Variants in CSRNP3 observed in about 807,000 individuals in gnomAD.
CSRNP3 encodes the protein cysteine/serine-rich nuclear protein 3.
CSRNP3 carries 12 observed loss-of-function variants against 48.0 expected under a neutral mutation model. The ratio of observed to expected loss-of-function variants is 0.25; its 90% CI spans 0.16 to 0.41. The LOEUF (loss-of-function observed/expected upper bound fraction) is 0.41. CSRNP3 is among the 10% of genes least tolerant of loss of function. The pLI is 1.00. For missense variants in CSRNP3, 580 were observed against 724.4 expected, an observed-to-expected ratio of 0.80 and a Z score of 2.29; for synonymous variants, 263 against 269.7, an observed-to-expected ratio of 0.98 and a Z score of 0.24.
chr2:165,540,095 T>A lies in CSRNP3; in HGVS notation c.-24+22134T>A, dbSNP rs1684934093. 3.3e-5 allele frequency among the ~76,000 whole-genome samples: 5 copies of A among 152,200 alleles called. No individual in the cohort carries two copies. The South Asian group carries it at 1.0e-3, about 32-fold the overall frequency. ...TCTCCAGCCCAAACCTCTAACCTAT[T>A]ACTATTCCTGGATAGCAGAGTGCAT... On this transcript the variant is annotated intron_variant, in intron 3 of 6. Transcript: ENST00000651982.
chr2:165,665,860 G>C (rs1471922319), intron 5 of CSRNP3, among the ~76,000 whole-genome samples: 1 of 149,754 alleles, frequency 6.7e-6, no homozygotes, highest in African/African-American at 2.5e-5. Context: ...AGGAAGGAAA[G>C]AGAGAGAGAA....
intron 2 of CSRNP3, among the ~76,000 whole-genome samples, chr2:165,503,388 T>C (rs1684383050): frequency 1.3e-5 from 2 of 152,054 alleles, no homozygotes; most frequent in African/African-American, 4.8e-5. Context: ...TGATCATTGT[T>C]TGTGGTTTTC....
intron 5 of CSRNP3, among the ~76,000 whole-genome samples, chr2:165,672,169 A>G (rs1396307588): frequency 6.6e-6 from 1 of 152,114 alleles, no homozygotes; most frequent in Non-Finnish European, 1.5e-5. Flanking sequence ...TGAGCTCTCC[A>G]AACTGTTCCA....
intron 4 of CSRNP3, among the ~76,000 whole-genome samples, chr2:165,605,104 G>A (rs947364028): frequency 2.6e-5 from 4 of 152,044 alleles, no homozygotes; most frequent in Non-Finnish European, 5.9e-5. Flanking sequence ...TCTTGTTCAA[G>A]CCTCAGCCTC....
Position 165,595,178 on chromosome 2 carries a change from A to G in CSRNP3, c.113A>G (p.Asp38Gly). 1 of 1,614,138 alleles carries G rather than the reference A, an allele frequency of 6.2e-7. No homozygotes were observed. Among genetic ancestry groups the G allele is most frequent in the South Asian group, 1.1e-5 (1 of 91,088 alleles). Residue 38 changes from aspartate to glycine, a missense_variant, in exon 4 of 7, where the codon GAC becomes GGC. Transcript: ENST00000651982. ...VSSSESADSG[D>G]SVNPSTSSHF... ...AGCAGTGAAAGTGCTGACAGTGGGG[A>G]CAGTGTCAATCCATCCACTTCTAGT...
chr2:165,555,462 G>A (rs1288807189), intron 3 of CSRNP3, among the ~76,000 whole-genome samples: 2 of 152,172 alleles, frequency 1.3e-5, no homozygotes, highest in South Asian at 2.1e-4. Flanking sequence ...AATGGAATGC[G>A]AGCAATATGA....
chr2:165,634,417 T>C (rs1360783171), intron 4 of CSRNP3, among the ~76,000 whole-genome samples: 1 of 152,166 alleles, frequency 6.6e-6, no homozygotes, highest in Non-Finnish European at 1.5e-5. Context: ...ACCTGTTCTG[T>C]CTGCCAGGAA....
intron 6 of CSRNP3, among the ~76,000 whole-genome samples, chr2:165,678,037 G>A (rs1362752282): frequency 6.6e-6 from 1 of 152,142 alleles, no homozygotes; most frequent in African/African-American, 2.4e-5. Flanking sequence ...AGTCATGAAT[G>A]TGCATATCCA....
chr2:165,574,032 C>G (rs987276715), intron 3 of CSRNP3: 2 of 257,802 alleles, frequency 7.8e-6, no homozygotes, highest in Non-Finnish European at 1.5e-5. Flanking sequence ...GCGTTAAAAT[C>G]GTTTATCCAT....
intron 2 of CSRNP3, among the ~76,000 whole-genome samples, chr2:165,504,233 GACAGCACT>G (rs1684395886): frequency 6.6e-6 from 1 of 151,936 alleles, no homozygotes; most frequent in South Asian, 2.1e-4. Flanking sequence ...AGTTACACAA[GACAGCACT>G]ACCAATAACC....
intron 3 of CSRNP3, among the ~76,000 whole-genome samples, chr2:165,568,585 CAGAGTGTTTCA>C (rs1685328014): frequency 6.6e-6 from 1 of 152,036 alleles, no homozygotes; most frequent in Admixed American, 6.6e-5. Flanking sequence ...AGTTCTTGGA[CAGAGTGTTTCA>C]AGAGGCTCAA....
rs1292359494 is a variant in CSRNP3 at position 165,676,394 on chromosome 2, A to C, written c.491A>C (p.Asp164Ala). ...DDISDDDIDL[D>A]NTEVDEYFFL... ...ATTTCTGATGATGACATTGACCTGG[A>C]CAACACAGAGGTAGATGAGTACTTC... The change falls in exon 6 of 7, where the codon GAC becomes GCC. Residue 164 changes from aspartate to alanine, a missense_variant. By Grantham distance (126) the Asp-to-Ala change is moderately radical (BLOSUM62 -2). Coordinates refer to ENST00000651982, the MANE Select transcript of CSRNP3 (RefSeq NM_001172173.2). The C allele has an allele frequency of 6.2e-7, 1 of 1,614,074 alleles. No individual in the cohort carries two copies. The highest frequency in any genetic ancestry group is 2.2e-5 in the East Asian group (1 of 44,888).
At chr2:165,497,529 T>C (rs1482452416) in intron 2 of CSRNP3, among the ~76,000 whole-genome samples, 4 of 152,098 alleles carry the variant, frequency 2.6e-5, no homozygotes, top group African/African-American at 9.7e-5. Context: ...TTAATTATTT[T>C]ATAAAGTTGG....
chr2:165,665,989 A>AAGG (rs1553484251), intron 5 of CSRNP3, among the ~76,000 whole-genome samples: 1 of 116,416 alleles, frequency 8.6e-6, no homozygotes, highest in Non-Finnish European at 1.7e-5. Flanking sequence ...AGAAAGAGAG[A>AAGG]AAGGAAGGAA....
intron 2 of CSRNP3, among the ~76,000 whole-genome samples, chr2:165,512,334 C>G (rs990617246): frequency 6.6e-6 from 1 of 152,152 alleles, no homozygotes; most frequent in Non-Finnish European, 1.5e-5. Context: ...ATAATTTTTA[C>G]CTAAATTGTC....
chr2:165,627,546 G>A (rs75016379), intron 4 of CSRNP3, among the ~76,000 whole-genome samples: 170 of 152,186 alleles, frequency 1.1e-3, no homozygotes, highest in African/African-American at 3.8e-3. Context: ...TTAAAAGAAC[G>A]CACTGATACT....
rs1033307347 is a variant in CSRNP3, at chr2:165,683,838, A to T, written c.*4085A>T. The T allele has an allele frequency of 2.0e-5, 3 of 152,112 alleles. No homozygotes were observed. Among genetic ancestry groups the T allele is most frequent in the African/African-American group, 7.2e-5 (3 of 41,452 alleles). The allele number at this position is 152,112 out of a possible 1,614,324, so 9.4% of individuals were successfully genotyped here. Reference sequence around the variant, plus strand: ...AACTGACATCAGTTCTTGTCTAATTATATGTGAGCTGCAACTAAAAGATGC... The same window carrying T: ...AACTGACATCAGTTCTTGTCTAATTTTATGTGAGCTGCAACTAAAAGATGC... On this transcript the variant is annotated 3_prime_UTR_variant, in exon 7 of 7. Transcript: ENST00000651982.
At chr2:165,666,889 AAG>A (rs1357629455) in intron 5 of CSRNP3, among the ~76,000 whole-genome samples, 7 of 133,860 alleles carry the variant, frequency 5.2e-5, no homozygotes, top group East Asian at 2.8e-4. Flanking sequence ...GGAAGAAGGA[AAG>A]AGAGAGAAAA....
rs146040145 is a variant in CSRNP3, at chr2:165,662,980, G to T, written c.408+4960G>T. Among the ~76,000 whole-genome samples, 84 of 152,014 alleles carry T rather than the reference G, an allele frequency of 5.5e-4. No individual in the cohort carries two copies. The East Asian group carries it at 7.2e-3, about 13-fold the overall frequency. On this transcript the variant is annotated intron_variant, in intron 5 of 6. Coordinates refer to ENST00000651982, the MANE Select transcript of CSRNP3 (RefSeq NM_001172173.2). ...GGCAGATGGTAACTCTTCCTTTAATGATTAACCTTTAAAAAAACTCTACAT... is the reference window on the plus strand; with the variant it reads ...GGCAGATGGTAACTCTTCCTTTAATTATTAACCTTTAAAAAAACTCTACAT...
Sources: allele counts gnomAD v4.1 joint callset (sites outside exome capture counted in the v4.1 genomes callset), GRCh38; gene constraint gnomAD v4.1.1; transcripts MANE v1.5; gene names NCBI Gene and HGNC (gene_info 2026-07-23, HGNC 2026-07-21).